ANO3: variants seen among roughly 807,000 people sequenced by gnomAD.
ANO3 encodes anoctamin 3, also known as anoctamin-3.
In ANO3, 99 loss-of-function variants were observed where a neutral mutation model predicts 144.8. The ratio of observed to expected loss-of-function variants is 0.68; its 90% CI spans 0.58 to 0.81. ANO3 has a LOEUF of 0.81. Among genes scored for constraint, ANO3 ranks in the 30% least tolerant of loss-of-function variants. ANO3 has a pLI of 0.00. For synonymous variants in ANO3, 414 were observed against 392.6 expected, an observed-to-expected ratio of 1.05 and a Z score of -0.64; for missense variants, 905 against 1,202.2, an observed-to-expected ratio of 0.75 and a Z score of 3.66.
At chr11:26,505,744 G>C (rs377432994) in intron 4 of ANO3, among the ~76,000 whole-genome samples, 3 of 152,072 alleles carry the variant, frequency 2.0e-5, no homozygotes, top group Non-Finnish European at 4.4e-5. Context: ...AGGCCAAGGC[G>C]GGCGGATCAC....
chr11:26,285,162 G>A (rs887777604), intron 1 of ANO3, among the ~76,000 whole-genome samples: 1 of 151,794 alleles, frequency 6.6e-6, no homozygotes, highest in South Asian at 2.1e-4. Flanking sequence ...TCTTAATAAA[G>A]TTCACTTTGT....
intron 1 of ANO3, among the ~76,000 whole-genome samples, chr11:26,272,148 C>A (rs12278192): frequency 0.26 from 39,636 of 151,842 alleles, 6,993 homozygotes; most frequent in African/African-American, 0.51. Flanking sequence ...GTTCTTGCAT[C>A]GCTTTCATCA....
At chr11:26,241,956 T>C (rs1043311686) in intron 1 of ANO3, among the ~76,000 whole-genome samples, 1 of 152,146 alleles carries the variant, frequency 6.6e-6, no homozygotes, top group Admixed American at 6.5e-5. Context: ...AGCTTTTAGA[T>C]GAGATGCAAA....
chr11:26,452,992 G>T (rs577002185), intron 3 of ANO3, among the ~76,000 whole-genome samples: 1 of 152,252 alleles, frequency 6.6e-6, no homozygotes, highest in East Asian at 1.9e-4. Context: ...CTTCATAAGT[G>T]AAGGAGAAAT....
intron 1 of ANO3, among the ~76,000 whole-genome samples, chr11:26,280,363 G>A (rs1234906983): frequency 6.6e-6 from 1 of 152,062 alleles, no homozygotes; most frequent in Non-Finnish European, 1.5e-5. Context: ...AGTTTTTTAA[G>A]GCATATTGAC....
chr11:26,555,872 C>G (rs1471541018), intron 13 of ANO3, among the ~76,000 whole-genome samples: 5 of 152,182 alleles, frequency 3.3e-5, no homozygotes, highest in African/African-American at 1.2e-4. Flanking sequence ...CTAGGATCAT[C>G]TAGAAACAAA....
At chr11:26,470,286 C>T (rs141728577) in intron 4 of ANO3, among the ~76,000 whole-genome samples, 1 of 151,770 alleles carries the variant, frequency 6.6e-6, no homozygotes, top group East Asian at 2.0e-4. Context: ...GTGGCACATA[C>T]CTGTAGTCCC....
intron 1 of ANO3, among the ~76,000 whole-genome samples, chr11:26,351,441 T>C (rs983688355): frequency 1.3e-5 from 2 of 152,216 alleles, no homozygotes; most frequent in Non-Finnish European, 2.9e-5. Flanking sequence ...TTAATTGTAA[T>C]GTGTTCTGTT....
intron 1 of ANO3, among the ~76,000 whole-genome samples, chr11:26,249,265 T>C (rs898535568): frequency 1.1e-4 from 17 of 152,204 alleles, no homozygotes; most frequent in African/African-American, 3.4e-4. Context: ...AGCAGTGTTT[T>C]GTTTATAAAT....
At chr11:26,598,523 G>A (rs151006693) in intron 15 of ANO3, 76 bp downstream of exon 15, 16 of 1,026,108 alleles carry the variant, frequency 1.6e-5, no homozygotes, top group Middle Eastern at 2.1e-4. Context: ...CTAGCATTCC[G>A]GCTGGAAGCA....
At chr11:26,212,591 C>G (rs551472268) in intron 1 of ANO3, among the ~76,000 whole-genome samples, 1 of 151,948 alleles carries the variant, frequency 6.6e-6, no homozygotes, top group East Asian at 1.9e-4. Context: ...CAGGAAGAAG[C>G]TGAATCCCTG....
intron 1 of ANO3, among the ~76,000 whole-genome samples, chr11:26,313,786 A>G (rs1293346380): frequency 6.6e-6 from 1 of 151,684 alleles, no homozygotes; most frequent in Non-Finnish European, 1.5e-5. Context: ...TGAATTAGAA[A>G]ACAATTTGTT....
chr11:26,593,236 A>G (rs191206201), intron 14 of ANO3, among the ~76,000 whole-genome samples: 1 of 152,282 alleles, frequency 6.6e-6, no homozygotes, highest in East Asian at 1.9e-4. Context: ...GTCTGTATAC[A>G]TATTTACCCT....
intron 1 of ANO3, among the ~76,000 whole-genome samples, chr11:26,389,699 C>A (rs1294488544): frequency 1.3e-5 from 2 of 152,084 alleles, no homozygotes; most frequent in African/African-American, 4.8e-5. Context: ...CTAATTTTGT[C>A]TAAAAGTTGA....
intron 4 of ANO3, among the ~76,000 whole-genome samples, chr11:26,494,677 GC>G (rs1302991365): frequency 2.0e-5 from 3 of 152,124 alleles, no homozygotes; most frequent in African/African-American, 7.2e-5. Context: ...ACTTCTTTCT[GC>G]CTAGGCTTGC....
chr11:26,524,232 T>C (rs1054830210), intron 6 of ANO3, among the ~76,000 whole-genome samples: 3 of 152,180 alleles, frequency 2.0e-5, no homozygotes, highest in African/African-American at 7.2e-5. Flanking sequence ...ACACAAGCTT[T>C]TGTGTATGTT....
chr11:26,541,986 C>A lies in ANO3; in HGVS notation c.1072C>A (p.Pro358Thr). 6.2e-7 allele frequency: 1 copy of A among 1,612,748 alleles called. No individual in the cohort carries two copies. Among genetic ancestry groups the A allele is most frequent in the South Asian group, 1.1e-5 (1 of 90,986 alleles). The change falls in exon 11 of 27, where the codon CCT becomes ACT. Residue 358 changes from proline (P) to threonine (T), a missense_variant. Physicochemically the swap from Pro to Thr is conservative, Grantham distance 38 (BLOSUM62 -1). Coordinates refer to ENST00000256737, the MANE Select transcript of ANO3 (RefSeq NM_031418.4). ...KSSQPIKTHGPQNNRHLLYER... is the reference protein window; with the variant it reads ...KSSQPIKTHGTQNNRHLLYER... ...TAGCCAGCCCATTAAAACCCATGGA[C>A]CTCAGAATAACAGACATCTATTATA...
chr11:26,523,406 C>T (rs1230254969), intron 6 of ANO3, among the ~76,000 whole-genome samples: 1 of 152,146 alleles, frequency 6.6e-6, no homozygotes, highest in African/African-American at 2.4e-5. Flanking sequence ...TGCAACTTGG[C>T]GCAAGGCATC....
At chr11:26,506,410 T>G (rs964938721) in intron 4 of ANO3, among the ~76,000 whole-genome samples, 25 of 152,218 alleles carry the variant, frequency 1.6e-4, no homozygotes, top group Admixed American at 6.5e-5. Context: ...CCTTCATGAG[T>G]TATGACAATT....
Sources: gnomAD v4.1 joint callset for allele counts (sites outside exome capture counted in the v4.1 genomes callset) on GRCh38, gnomAD v4.1.1 for gene constraint, MANE v1.5 for transcripts, NCBI Gene and HGNC (gene_info 2026-07-23, HGNC 2026-07-21) for gene names.